COL4A2: variants seen among roughly 807,000 people sequenced by gnomAD.
The protein encoded by COL4A2 is collagen alpha-2(IV) chain.
COL4A2 carries 99 observed loss-of-function variants against 200.2 expected under a neutral mutation model. The observed-to-expected ratio is 0.49, with a 90% CI of 0.42 to 0.58. COL4A2 has a LOEUF of 0.58. Among genes scored for constraint, COL4A2 ranks in the 20% least tolerant of loss-of-function variants. The pLI is 0.00. For synonymous variants in COL4A2, 897 were observed against 900.6 expected, an observed-to-expected ratio of 1.00 and a Z score of 0.07; for missense variants, 1,950 against 2,314.1, an observed-to-expected ratio of 0.84 and a Z score of 3.23.
intron 3 of COL4A2, among the ~76,000 whole-genome samples, chr13:110,311,676 T>C (rs781687140): frequency 1.3e-5 from 2 of 152,178 alleles, no homozygotes; most frequent in Admixed American, 1.3e-4. Context: ...ATTCTAACCT[T>C]CATGGAGGCT....
intron 4 of COL4A2, among the ~76,000 whole-genome samples, chr13:110,401,799 G>T (rs1042923638): frequency 2.6e-5 from 4 of 152,140 alleles, no homozygotes; most frequent in Admixed American, 1.3e-4. Context: ...CTAGAGGCTG[G>T]TAAGTCCAAG....
chr13:110,448,071 G>T (rs1275877395), intron 18 of COL4A2, among the ~76,000 whole-genome samples: 1 of 152,166 alleles, frequency 6.6e-6, no homozygotes, highest in Non-Finnish European at 1.5e-5. Context: ...CAGCTTCCAT[G>T]ATGCCCGTAA....
rs151041799 is a variant in COL4A2, at chr13:110,506,701, C to T, written c.4594+95C>T. The stretch of plus-strand genomic sequence containing the variant: ...CACAGCGAGACTCCCAAACCCTCCA[C>T]GGCTGGTAAGTTCCCCTGACGGAAG... On this transcript the variant is annotated intron_variant, in intron 46 of 47. Transcript: ENST00000360467. The T allele has an allele frequency of 5.4e-4, 709 of 1,312,328 alleles. 7 individuals are homozygous for T. In the African/African-American group the frequency reaches 9.4e-3, roughly 17 times the overall value. The allele number at this position is 1,312,328 out of a possible 1,614,324, so 81.3% of individuals were successfully genotyped here.
At chr13:110,388,853 G>T (rs76446482) in intron 4 of COL4A2, among the ~76,000 whole-genome samples, 14,477 of 152,184 alleles carry the variant, frequency 0.095, 1,074 homozygotes, top group East Asian at 0.37. Flanking sequence ...CAGATTCCTC[G>T]TGTGATCCCA....
At chr13:110,335,108 C>T (rs1422556530) in intron 3 of COL4A2, among the ~76,000 whole-genome samples, 2 of 152,138 alleles carry the variant, frequency 1.3e-5, no homozygotes, top group Non-Finnish European at 2.9e-5. Context: ...CTGGGCTTCT[C>T]CTTGGCCCTC....
At chr13:110,444,013 C>T (rs1029890598) in intron 16 of COL4A2, among the ~76,000 whole-genome samples, 16 of 152,178 alleles carry the variant, frequency 1.1e-4, no homozygotes, top group African/African-American at 3.4e-4. Context: ...CTCAGCCTCC[C>T]CCGAGTCAGT....
At chr13:110,477,960 G>T in intron 29 of COL4A2, 43 bp from the exon 30 acceptor site, 1 of 1,504,206 alleles carries the variant, frequency 6.6e-7, no homozygotes, top group Non-Finnish European at 8.9e-7. Flanking sequence ...GTGATGAACA[G>T]TCCAGAGTTG....
rs181681398 is a variant in COL4A2 at position 110,357,450 on chromosome 13, G to C, written c.100-22G>C. 1.9e-6 allele frequency: 3 copies of C among 1,570,638 alleles called. No individual in the cohort carries two copies. In the South Asian group the frequency reaches 3.5e-5, roughly 18 times the overall value. ...GGCAATGTTTAGGTAACTTTTCTTT[G>C]CCTTGTGTTTTATTGTTGCAGGGTG... On this transcript the variant is annotated intron_variant, in intron 3 of 47. Coordinates refer to ENST00000360467, the MANE Select transcript of COL4A2 (RefSeq NM_001846.4).
chr13:110,450,360 C>T lies in COL4A2; in HGVS notation c.1245C>T (p.Pro415=), dbSNP rs367980559. ...EMGPKGFIGD[P]GIPALYGGPP... ...GACCCAAGGGCTTCATCGGAGACCC[C>T]GGCATCCCTGCGCTCTACGGGGGCC... The change falls in exon 20 of 48, where the codon CCC becomes CCT. Residue 415 remains proline (P), a synonymous_variant. Coordinates refer to ENST00000360467, the MANE Select transcript of COL4A2 (RefSeq NM_001846.4). 4.2e-5 allele frequency: 67 copies of T among 1,613,578 alleles called. No individual in the cohort carries two copies. Among genetic ancestry groups the T allele is most frequent in the Admixed American group, 1.8e-4 (11 of 59,992 alleles).
In COL4A2 at chr13:110,340,691, G is replaced by A. The variant is rs139863788; in HGVS notation, c.100-16781G>A. Among the ~76,000 whole-genome samples, 962 of 152,268 alleles carry A rather than the reference G, an allele frequency of 6.3e-3. 9 individuals carry two copies. Among genetic ancestry groups the A allele is most frequent in the Non-Finnish European group, 0.01 (699 of 68,024 alleles). ...GTCCTGTAGCTCATGAAGACATTAC[G>A]AAGCACAAAGAACTGCACAGGGACA... On this transcript the variant is annotated intron_variant, in intron 3 of 47. Transcript: ENST00000360467.
intron 24 of COL4A2, 65 bp from the exon 25 acceptor site, chr13:110,465,340 A>G (rs952929099): frequency 1.3e-6 from 2 of 1,514,478 alleles, no homozygotes; most frequent in Admixed American, 4.4e-5. Context: ...GAAAGGAAAC[A>G]GGGAAGTCGA....
At chr13:110,371,020 T>A (rs1441976818) in intron 4 of COL4A2, among the ~76,000 whole-genome samples, 1 of 152,198 alleles carries the variant, frequency 6.6e-6, no homozygotes, top group Non-Finnish European at 1.5e-5. Context: ...ACTTCTTTAG[T>A]AGAAGGAAAT....
At chr13:110,451,542 C>T (rs185391868) in intron 20 of COL4A2, among the ~76,000 whole-genome samples, 1 of 152,280 alleles carries the variant, frequency 6.6e-6, no homozygotes, top group East Asian at 1.9e-4. Context: ...TTCGTGGCAT[C>T]AGGAAGGAGA....
intron 4 of COL4A2, among the ~76,000 whole-genome samples, chr13:110,371,199 C>A (rs1007172504): frequency 6.6e-6 from 1 of 152,124 alleles, no homozygotes; most frequent in Non-Finnish European, 1.5e-5. Context: ...TCCTAGCAGC[C>A]GCTGACATAG....
chr13:110,444,636 G>A (rs551322230), intron 16 of COL4A2, among the ~76,000 whole-genome samples: 8 of 152,272 alleles, frequency 5.3e-5, no homozygotes, highest in African/African-American at 1.2e-4. Context: ...AGATAACCTC[G>A]AAAGTAATCA....
intron 3 of COL4A2, among the ~76,000 whole-genome samples, chr13:110,309,513 A>G (rs189807696): frequency 0.031 from 4,681 of 152,262 alleles, 96 homozygotes; most frequent in Middle Eastern, 0.078. Flanking sequence ...GGCGATCCCT[A>G]GAAAATACCA....
intron 3 of COL4A2, among the ~76,000 whole-genome samples, chr13:110,357,131 A>G (rs1877309941): frequency 6.6e-6 from 1 of 152,166 alleles, no homozygotes; most frequent in South Asian, 2.1e-4. Flanking sequence ...CCTGGTCTCA[A>G]CTGTGGACTC....
At chr13:110,452,453 C>T (rs1164716356) in intron 20 of COL4A2, among the ~76,000 whole-genome samples, 1 of 152,206 alleles carries the variant, frequency 6.6e-6, no homozygotes. Flanking sequence ...TGAGCCAACG[C>T]GCCCGGCCCA....
intron 32 of COL4A2, among the ~76,000 whole-genome samples, chr13:110,483,518 T>C (rs780099555): frequency 1.3e-5 from 2 of 152,234 alleles, no homozygotes; most frequent in African/African-American, 4.8e-5. Flanking sequence ...GATGAATGGA[T>C]GAGTAAAATA....
Sources: allele counts gnomAD v4.1 joint callset (sites outside exome capture counted in the v4.1 genomes callset), GRCh38; gene constraint gnomAD v4.1.1; transcripts MANE v1.5; gene names NCBI Gene and HGNC (gene_info 2026-07-23, HGNC 2026-07-21).